The following PPP3CA variants were observed in gnomAD, a reference collection of about 807,000 sequenced individuals.
PPP3CA encodes CAM-PRP catalytic subunit.
In PPP3CA, 14 loss-of-function variants were observed where a neutral mutation model predicts 66.5. That is an observed-to-expected ratio of 0.21 (90% confidence interval 0.14 to 0.33). The LOEUF (loss-of-function observed/expected upper bound fraction) is 0.33, where lower values mean the gene tolerates loss of function less well. PPP3CA is among the 10% of genes least tolerant of loss of function. The pLI, the probability that PPP3CA is intolerant of heterozygous loss-of-function variation, is 1.00. For synonymous variants in PPP3CA, 232 were observed against 226.2 expected, an observed-to-expected ratio of 1.03 and a Z score of -0.23; for missense variants, 317 against 639.5, an observed-to-expected ratio of 0.50 and a Z score of 5.44.
chr4:101,347,114 G>A lies in PPP3CA; in HGVS notation c.-318C>T. On this transcript the variant is annotated 5_prime_UTR_variant, in exon 1 of 14. Transcript: ENST00000394854. ...GGTTCTTCTTTTATTCTTGGGGGAAGGGGGATGGGGAGGAGAAGCGCACAC... is the reference window on the plus strand; with the variant it reads ...GGTTCTTCTTTTATTCTTGGGGGAAAGGGGATGGGGAGGAGAAGCGCACAC... The A allele has an allele frequency of 2.1e-6, 1 of 486,860 alleles. No individual in the cohort carries two copies. Among genetic ancestry groups the A allele is most frequent in the Non-Finnish European group, 3.7e-6 (1 of 270,598 alleles). 30.2% of individuals were successfully genotyped at this position (486,860 alleles called of 1,614,324 possible).
At chr4:101,119,629 C>T (rs1028032384) in intron 2 of PPP3CA, among the ~76,000 whole-genome samples, 7 of 152,038 alleles carry the variant, frequency 4.6e-5, no homozygotes, top group Non-Finnish European at 4.4e-5. Flanking sequence ...TCATGATAGT[C>T]CTCACATTTT....
intron 5 of PPP3CA, among the ~76,000 whole-genome samples, chr4:101,095,098 C>T (rs1730135452): frequency 6.6e-6 from 1 of 151,640 alleles, no homozygotes; most frequent in Non-Finnish European, 1.5e-5. Context: ...TGAAAAACTT[C>T]AATAAAACAA....
intron 2 of PPP3CA, among the ~76,000 whole-genome samples, chr4:101,132,734 C>T (rs1722487845): frequency 6.6e-6 from 1 of 152,164 alleles, no homozygotes; most frequent in African/African-American, 2.4e-5. Context: ...AGGGACTCCT[C>T]CCTATCTCAT....
At chr4:101,302,786 C>T (rs1474842069) in intron 1 of PPP3CA, among the ~76,000 whole-genome samples, 1 of 152,142 alleles carries the variant, frequency 6.6e-6, no homozygotes, top group Admixed American at 6.5e-5. Context: ...TGATTTGGCC[C>T]CATGTCAGCC....
At chr4:101,306,735 TA>T (rs1560709369) in intron 1 of PPP3CA, among the ~76,000 whole-genome samples, 6 of 152,178 alleles carry the variant, frequency 3.9e-5, no homozygotes, top group African/African-American at 1.4e-4. Context: ...AAAGTTGATA[TA>T]TCGAGCATTA....
intron 1 of PPP3CA, among the ~76,000 whole-genome samples, chr4:101,242,764 C>CA (rs1221369916): frequency 2.0e-5 from 3 of 151,990 alleles, no homozygotes; most frequent in African/African-American, 4.8e-5. Flanking sequence ...CCTGTCTCTA[C>CA]AAAAAAATAA....
At chr4:101,073,643 A>T (rs542933195) in intron 8 of PPP3CA, among the ~76,000 whole-genome samples, 1 of 152,238 alleles carries the variant, frequency 6.6e-6, no homozygotes, top group South Asian at 2.1e-4. Flanking sequence ...AAATTATTGT[A>T]TTTCATAACA....
chr4:101,098,201 A>C (rs1212166354), intron 5 of PPP3CA, among the ~76,000 whole-genome samples, 166 bp downstream of exon 5: 2 of 152,214 alleles, frequency 1.3e-5, no homozygotes, highest in African/African-American at 2.4e-5. Context: ...GTATAAACAT[A>C]TCTCTCTTTC....
intron 1 of PPP3CA, among the ~76,000 whole-genome samples, chr4:101,249,745 A>G (rs1726611785): frequency 6.6e-6 from 1 of 152,140 alleles, no homozygotes; most frequent in Admixed American, 6.6e-5. Flanking sequence ...GAAACCAACA[A>G]CATTATATTA....
At chr4:101,292,782 T>C (rs961721460) in intron 1 of PPP3CA, among the ~76,000 whole-genome samples, 2 of 152,202 alleles carry the variant, frequency 1.3e-5, no homozygotes, top group Non-Finnish European at 2.9e-5. Flanking sequence ...TATAGCATGT[T>C]CCTGAAAAGT....
chr4:101,090,002 C>G (rs2110246142), intron 6 of PPP3CA, among the ~76,000 whole-genome samples: 2 of 152,282 alleles, frequency 1.3e-5, no homozygotes, highest in Middle Eastern at 6.8e-3. Flanking sequence ...ACTACACATA[C>G]AAATGTTAAA....
At chr4:101,164,792 C>T (rs1262630987) in intron 2 of PPP3CA, among the ~76,000 whole-genome samples, 1 of 151,944 alleles carries the variant, frequency 6.6e-6, no homozygotes, top group Non-Finnish European at 1.5e-5. Flanking sequence ...TCTGCAAAGG[C>T]ATTAAATTAA....
chr4:101,290,321 C>T (rs759838676), intron 1 of PPP3CA, among the ~76,000 whole-genome samples: 2 of 152,160 alleles, frequency 1.3e-5, no homozygotes, highest in Admixed American at 6.5e-5. Flanking sequence ...TCACCCATTC[C>T]GCTCCTGTTA....
chr4:101,235,683 T>C (rs760888918), intron 1 of PPP3CA, among the ~76,000 whole-genome samples: 73 of 151,842 alleles, frequency 4.8e-4, no homozygotes, highest in Admixed American at 9.9e-4. Flanking sequence ...ATTATGGCCA[T>C]TGATATCTGT....
chr4:101,231,456 AC>A (rs549969174), intron 1 of PPP3CA, among the ~76,000 whole-genome samples: 525 of 151,900 alleles, frequency 3.5e-3, no homozygotes, highest in Admixed American at 5.6e-3. Flanking sequence ...AGGAAGTCAT[AC>A]TTTTTCTTAC....
chr4:101,059,480 C>T (rs980232563), intron 10 of PPP3CA, among the ~76,000 whole-genome samples: 1 of 152,090 alleles, frequency 6.6e-6, no homozygotes, highest in African/African-American at 2.4e-5. Context: ...AAATCTCATA[C>T]ATTAAATTTA....
chr4:101,148,667 T>A (rs1443042135), intron 2 of PPP3CA, among the ~76,000 whole-genome samples: 2 of 152,146 alleles, frequency 1.3e-5, no homozygotes, highest in Admixed American at 6.5e-5. Context: ...TGGATTCCGA[T>A]AGTGCTTTAA....
chr4:101,347,447 G>A lies in PPP3CA; in HGVS notation c.-651C>T. The A allele has an allele frequency of 6.0e-6, 1 of 165,914 alleles. No homozygotes were observed. The highest frequency in any genetic ancestry group is 1.3e-5 in the Non-Finnish European group (1 of 78,700). The allele number at this position is 165,914 out of a possible 1,614,324, so 10.3% of individuals were successfully genotyped here. A position where few individuals can be genotyped will look rare whatever the true frequency, so the allele number is the denominator to read the frequency against. On this transcript the variant is annotated 5_prime_UTR_variant, in exon 1 of 14. Transcript: ENST00000394854. ...CCCGCCGCCGCGATCGCCCGCGCTC[G>A]CCTCTGCCTCCCCGCGCCGCTCCTC...
chr4:101,031,218 A>T (rs1726941192), intron 12 of PPP3CA, among the ~76,000 whole-genome samples: 1 of 152,170 alleles, frequency 6.6e-6, no homozygotes, highest in Admixed American at 6.5e-5. Flanking sequence ...GAATAATATA[A>T]ATGAGAATAG....
Sources: allele counts gnomAD v4.1 joint callset (sites outside exome capture counted in the v4.1 genomes callset), GRCh38; gene constraint gnomAD v4.1.1; transcripts MANE v1.5; gene names NCBI Gene and HGNC (gene_info 2026-07-23, HGNC 2026-07-21).